The following VIT variants were observed in gnomAD, a reference collection of about 807,000 sequenced individuals.
VIT encodes the protein vitrin.
A neutral mutation model predicts 78.0 loss-of-function variants in VIT; 99 were observed. The observed-to-expected ratio is 1.27, with a 90% CI of 1.08 to 1.50. The LOEUF is 1.50. Ranked by LOEUF, VIT falls within the 40% of genes most tolerant of loss-of-function variation. The pLI, the probability that VIT is intolerant of heterozygous loss-of-function variation, is 0.00. For synonymous variants in VIT, 374 were observed against 334.3 expected (o/e 1.12, Z -1.29); for missense variants, 1,126 against 875.3 (o/e 1.29, Z -3.61).
chr2:36,805,728 C>G (rs1273832768), intron 14 of VIT, 64 bp downstream of exon 14: 2 of 1,527,992 alleles, frequency 1.3e-6, no homozygotes, highest in Non-Finnish European at 1.8e-6. Context: ...AATTGTAACG[C>G]CGTTGCAGTG....
rs1666743182 is a variant in VIT, at chr2:36,806,571, G to T, written c.1389+907G>T. The stretch of plus-strand genomic sequence containing the variant: ...ATCTCTTTTTTTCTTTTTTCAGACG[G>T]AGTCTCACTCTGTCGCCCAGGCTGG... On this transcript the variant is annotated intron_variant, in intron 14 of 15. Coordinates refer to ENST00000379242, the MANE Select transcript of VIT (RefSeq NM_053276.4). Among the ~76,000 whole-genome samples the T allele has an allele frequency of 2.0e-5, 3 of 152,024 alleles. No homozygotes were observed. The South Asian group carries it at 6.2e-4, about 32-fold the overall frequency.
At chr2:36,790,865 T>A (rs1665443061) in intron 12 of VIT, among the ~76,000 whole-genome samples, 1 of 151,742 alleles carries the variant, frequency 6.6e-6, no homozygotes, top group African/African-American at 2.4e-5. Flanking sequence ...AAAAGGCTTA[T>A]AATTGCACCT....
chr2:36,700,816 T>C (rs1165124992), intron 1 of VIT, among the ~76,000 whole-genome samples: 3 of 152,096 alleles, frequency 2.0e-5, no homozygotes, highest in Non-Finnish European at 4.4e-5. Flanking sequence ...TCAAGCCCTT[T>C]TCATATATCA....
intron 3 of VIT, among the ~76,000 whole-genome samples, chr2:36,737,354 CT>C (rs970744346): frequency 1.3e-5 from 2 of 152,034 alleles, no homozygotes; most frequent in African/African-American, 4.8e-5. Context: ...ATCTGAGAAG[CT>C]TTTTTTCTTT....
At chr2:36,735,147 C>T (rs879398375) in intron 3 of VIT, among the ~76,000 whole-genome samples, 13 of 151,108 alleles carry the variant, frequency 8.6e-5, no homozygotes, top group African/African-American at 1.7e-4. Context: ...GGCAACAGAG[C>T]GAGACTCTGT....
intron 12 of VIT, among the ~76,000 whole-genome samples, chr2:36,799,110 G>C (rs1249604780): frequency 6.6e-6 from 1 of 152,134 alleles, no homozygotes; most frequent in Admixed American, 6.5e-5. Context: ...TTCCCTGAAG[G>C]TGTCCACTCT....
chr2:36,789,859 G>A (rs1479433329), intron 12 of VIT, among the ~76,000 whole-genome samples: 1 of 152,110 alleles, frequency 6.6e-6, no homozygotes, highest in African/African-American at 2.4e-5. Flanking sequence ...AACTAGCACT[G>A]GAAGGAGAGA....
At chr2:36,798,108 C>T (rs73927072) in intron 12 of VIT, among the ~76,000 whole-genome samples, 2,378 of 152,280 alleles carry the variant, frequency 0.016, 62 homozygotes, top group African/African-American at 0.054. Context: ...AGAAAGAGAA[C>T]AGCCTTAACA....
chr2:36,783,231 A>G, intron 10 of VIT, 109 bp from the exon 11 acceptor site: 2 of 1,000,302 alleles, frequency 2.0e-6, no homozygotes, highest in Non-Finnish European at 1.5e-6. Context: ...GTTAGCTTTA[A>G]GCCAAGCCCC....
chr2:36,758,261 C>G (rs1447492522), intron 5 of VIT, among the ~76,000 whole-genome samples: 1 of 152,222 alleles, frequency 6.6e-6, no homozygotes, highest in Non-Finnish European at 1.5e-5. Flanking sequence ...CAACCGTTAC[C>G]AAGTCAGAAA....
rs545487409 is a variant in VIT at position 36,734,676 on chromosome 2, G to A, written c.118+5185G>A. On this transcript the variant is annotated intron_variant, in intron 3 of 15. Coordinates refer to ENST00000379242, the MANE Select transcript of VIT (RefSeq NM_053276.4). ...AGTACATCTATTCTGCCTACTCATG[G>A]GGTTCCCACTGATTTTGGTAGTTAT... Among the ~76,000 whole-genome samples, 11 of 152,218 alleles carry A rather than the reference G, an allele frequency of 7.2e-5. No individual in the cohort carries two copies. In the East Asian group the frequency reaches 2.1e-3, roughly 29 times the overall value.
chr2:36,754,070 C>T (rs1668625063), intron 4 of VIT, among the ~76,000 whole-genome samples: 1 of 152,186 alleles, frequency 6.6e-6, no homozygotes, highest in Admixed American at 6.5e-5. Flanking sequence ...AGTTTTAAAG[C>T]AATTAAGTGC....
intron 1 of VIT, among the ~76,000 whole-genome samples, chr2:36,703,354 T>A (rs7340320): frequency 6.1e-5 from 9 of 146,498 alleles, no homozygotes; most frequent in South Asian, 4.3e-4. Context: ...CCCACCCCCC[T>A]ACACCCAGCC....
chr2:36,711,401 C>T (rs1665788148), intron 1 of VIT, among the ~76,000 whole-genome samples: 1 of 152,138 alleles, frequency 6.6e-6, no homozygotes, highest in Admixed American at 6.5e-5. Context: ...TCAGTCTTAA[C>T]AAGATGCAAC....
chr2:36,802,792 A>G (rs1219969411), intron 13 of VIT, among the ~76,000 whole-genome samples: 2 of 152,216 alleles, frequency 1.3e-5, no homozygotes, highest in African/African-American at 2.4e-5. Context: ...TGTATTGTCC[A>G]GAGTTTGGGT....
chr2:36,799,534 A>G (rs1276759353), intron 12 of VIT, among the ~76,000 whole-genome samples: 1 of 152,116 alleles, frequency 6.6e-6, no homozygotes, highest in Non-Finnish European at 1.5e-5. Flanking sequence ...CAGGGGCAAC[A>G]TAGCAAGACC....
At chr2:36,769,013 T>G (rs1178792272) in intron 7 of VIT, among the ~76,000 whole-genome samples, 1 of 152,210 alleles carries the variant, frequency 6.6e-6, no homozygotes, top group Non-Finnish European at 1.5e-5. Context: ...CAAACACTCC[T>G]CCACCATTCT....
intron 6 of VIT, among the ~76,000 whole-genome samples, chr2:36,764,026 G>A (rs1422573143): frequency 6.6e-6 from 1 of 152,224 alleles, no homozygotes; most frequent in African/African-American, 2.4e-5. Context: ...ACTGCCCTCA[G>A]GATCTTCAGC....
chr2:36,762,861 T>C (rs1669205434), intron 6 of VIT, among the ~76,000 whole-genome samples: 1 of 152,194 alleles, frequency 6.6e-6, no homozygotes, highest in African/African-American at 2.4e-5. Context: ...CGGCTCACAC[T>C]GAGAACAGGC....
Sources: allele counts gnomAD v4.1 joint callset (sites outside exome capture counted in the v4.1 genomes callset), GRCh38; gene constraint gnomAD v4.1.1; transcripts MANE v1.5; gene names NCBI Gene and HGNC (gene_info 2026-07-23, HGNC 2026-07-21).